Variants in MTRES1 observed in about 807,000 individuals in gnomAD.
The protein encoded by MTRES1 is mitochondrial transcription rescue factor 1, also known as uncharacterized protein C6orf203.
In MTRES1, 11 loss-of-function variants were observed where a neutral mutation model predicts 17.4. That is an observed-to-expected ratio of 0.63 (90% CI 0.40 to 1.05). The LOEUF (loss-of-function observed/expected upper bound fraction) is 1.05. MTRES1 is among the 50% of genes least tolerant of loss of function. MTRES1 has a pLI of 0.00. For missense variants in MTRES1, 268 were observed against 276.2 expected (o/e 0.97, Z 0.21); for synonymous variants, 94 against 99.6 (o/e 0.94, Z 0.34).
At chr6:107,048,861 G>T (rs1774491144) in intron 3 of MTRES1, among the ~76,000 whole-genome samples, 1 of 151,338 alleles carries the variant, frequency 6.6e-6, no homozygotes, top group South Asian at 2.1e-4. Flanking sequence ...CCAGGTACCT[G>T]TGTTGTCCTA....
chr6:107,028,755 A>T, intron 1 of MTRES1: 1 of 323,034 alleles, frequency 3.1e-6, no homozygotes, highest in African/African-American at 2.3e-5. Context: ...GGTCAAAGTC[A>T]GCGCTGCTTT....
chr6:107,043,764 G>T (rs183856383), intron 2 of MTRES1, among the ~76,000 whole-genome samples: 1 of 152,146 alleles, frequency 6.6e-6, no homozygotes, highest in Non-Finnish European at 1.5e-5. Context: ...GTTTGGACCC[G>T]TGCTGGCCAA....
At chr6:107,033,226 G>A (rs1246516465) in intron 1 of MTRES1, among the ~76,000 whole-genome samples, 1 of 152,046 alleles carries the variant, frequency 6.6e-6, no homozygotes. Context: ...GATAATTTGT[G>A]ACTTAATTCA....
In MTRES1 at chr6:107,051,386, C is replaced by T. The variant is rs1471838949; in HGVS notation, c.*150C>T. 2.5e-5 allele frequency: 17 copies of T among 674,494 alleles called. No individual in the cohort carries two copies. Among genetic ancestry groups the T allele is most frequent in the Middle Eastern group, 6.2e-4 (2 of 3,206 alleles). 41.8% of individuals were successfully genotyped at this position (674,494 alleles called of 1,614,324 possible). A position where few individuals can be genotyped will look rare whatever the true frequency, so the allele number is the denominator to read the frequency against. On this transcript the variant is annotated 3_prime_UTR_variant, in exon 4 of 4. Transcript: ENST00000311381. ...GGAAATTGGGATCCATATCTGGAGA[C>T]ACTTCCCAAGGCCTGCCTCACCTCC...
chr6:107,051,231 A>G lies in MTRES1; in HGVS notation c.718A>G (p.Lys240Glu), dbSNP rs1774596834. The change falls in exon 4 of 4, where the codon AAA (lysine) becomes GAA (glutamate). Residue 240 changes from lysine (K) to glutamate (E), a missense_variant. Coordinates refer to ENST00000311381, the MANE Select transcript of MTRES1 (RefSeq NM_016487.5). ...AAAGTTGCCTAAGAAGAGAATGTCT[A>G]AATAAATGGATTGCTTTTTAGCAAT... Reference protein sequence around the residue: ...SLKLPKKRMSK With the variant: ...SLKLPKKRMSE The G allele has an allele frequency of 6.2e-7, 1 of 1,611,636 alleles. No individual in the cohort carries two copies. Among genetic ancestry groups the G allele is most frequent in the Non-Finnish European group, 8.5e-7 (1 of 1,178,958 alleles).
In MTRES1 at chr6:107,040,109, G is replaced by T; in HGVS notation, c.349G>T (p.Glu117Ter). 2 of 1,613,770 alleles carry T rather than the reference G, an allele frequency of 1.2e-6. No homozygotes were observed. Among genetic ancestry groups the T allele is most frequent in the South Asian group, 2.2e-5 (2 of 90,962 alleles). ...DEESHHDEMS[E>*]QEEELEDDPT... The stretch of plus-strand genomic sequence containing the variant: ...AGAAAGCCATCATGATGAGATGAGT[G>T]AGCAGGAAGAGGAGCTTGAGGATGA... The change falls in exon 2 of 4, where the codon GAG becomes TAG. Residue 117 changes from glutamate to a stop codon, truncating the protein, a stop_gained. Coordinates refer to ENST00000311381, the MANE Select transcript of MTRES1 (RefSeq NM_016487.5). LOFTEE classifies it high-confidence loss of function.
chr6:107,041,090 G>A (rs1774193401), intron 2 of MTRES1, among the ~76,000 whole-genome samples: 1 of 151,162 alleles, frequency 6.6e-6, no homozygotes, highest in South Asian at 2.1e-4. Flanking sequence ...GCCAGGCGTG[G>A]TGGCAGGCGC....
intron 3 of MTRES1, among the ~76,000 whole-genome samples, chr6:107,046,930 T>TTTTTTGTG: frequency 3.0e-5 from 1 of 33,020 alleles, no homozygotes; most frequent in Non-Finnish European, 1.2e-4. Flanking sequence ...GGATTCATTC[T>TTTTTTGTG]TGTGTGTGTG....
At chr6:107,049,716 C>T (rs1774526878) in intron 3 of MTRES1, among the ~76,000 whole-genome samples, 2 of 115,626 alleles carry the variant, frequency 1.7e-5, no homozygotes, top group South Asian at 6.4e-4. Flanking sequence ...CCCAGCCGGC[C>T]CTTCTTTTTT....
chr6:107,040,347 G>C, intron 2 of MTRES1, 117 bp downstream of exon 2: 1 of 850,674 alleles, frequency 1.2e-6, no homozygotes, highest in Non-Finnish European at 1.7e-6. Flanking sequence ...AAGGACCTTT[G>C]TAGGTAACCT....
chr6:107,047,081 C>T (rs1005988673), intron 3 of MTRES1, among the ~76,000 whole-genome samples: 13 of 152,086 alleles, frequency 8.5e-5, no homozygotes, highest in African/African-American at 2.7e-4. Flanking sequence ...GGATTACAGG[C>T]GTGAGCCACC....
At chr6:107,042,339 CAAA>C (rs58406771) in intron 2 of MTRES1, among the ~76,000 whole-genome samples, 5 of 98,716 alleles carry the variant, frequency 5.1e-5, no homozygotes, top group Admixed American at 1.3e-4. Context: ...GACTCCGTCT[CAAA>C]AAAAAAAAAA....
chr6:107,033,669 T>C (rs1773915485), intron 1 of MTRES1, among the ~76,000 whole-genome samples: 2 of 151,940 alleles, frequency 1.3e-5, no homozygotes, highest in Admixed American at 1.3e-4. Context: ...ATACAAAAAA[T>C]TAGCCGGGCG....
chr6:107,031,505 T>C (rs187005648), intron 1 of MTRES1, among the ~76,000 whole-genome samples: 16 of 150,936 alleles, frequency 1.1e-4, no homozygotes, highest in African/African-American at 3.6e-4. Context: ...TGGAGTGCAA[T>C]GGCTTCGGCT....
chr6:107,050,241 T>A (rs1774548373), intron 3 of MTRES1, among the ~76,000 whole-genome samples: 1 of 152,244 alleles, frequency 6.6e-6, no homozygotes, highest in Admixed American at 6.5e-5. Context: ...TGAATCAGCA[T>A]CCAACTCTGC....
intron 3 of MTRES1, among the ~76,000 whole-genome samples, chr6:107,046,930 T>TTTTGTGTGTGTGTG (rs1367322880): frequency 4.2e-3 from 138 of 33,014 alleles, no homozygotes; most frequent in Non-Finnish European, 0.011. Flanking sequence ...GGATTCATTC[T>TTTTGTGTGTGTGTG]TGTGTGTGTG....
At chr6:107,029,717 C>G (rs1017640442) in intron 1 of MTRES1, among the ~76,000 whole-genome samples, 11 of 150,010 alleles carry the variant, frequency 7.3e-5, no homozygotes, top group Admixed American at 3.3e-4. Flanking sequence ...CTCCTGGCCT[C>G]AAGTGATCCG....
chr6:107,029,838 A>C (rs1044702267), intron 1 of MTRES1, among the ~76,000 whole-genome samples: 1 of 151,912 alleles, frequency 6.6e-6, no homozygotes, highest in African/African-American at 2.4e-5. Flanking sequence ...ACTCTTGGAC[A>C]CAAGCGAGTC....
At chr6:107,040,289 C>A in intron 2 of MTRES1, 59 bp downstream of exon 2, 2 of 1,436,542 alleles carry the variant, frequency 1.4e-6, no homozygotes, top group Non-Finnish European at 1.9e-6. Context: ...TTTAATATAG[C>A]ATTACAAATC....
Sources: gnomAD v4.1 joint callset for allele counts (sites outside exome capture counted in the v4.1 genomes callset) on GRCh38, gnomAD v4.1.1 for gene constraint, MANE v1.5 for transcripts, NCBI Gene and HGNC (gene_info 2026-07-23, HGNC 2026-07-21) for gene names.